The following IFNGR2 variants were observed in gnomAD, a reference collection of about 807,000 sequenced individuals.
IFNGR2 encodes IFN-gamma receptor 2.
In IFNGR2, 15 loss-of-function variants were observed where a neutral mutation model predicts 41.1. The ratio of observed to expected loss-of-function variants is 0.37; its 90% confidence interval spans 0.24 to 0.56. The LOEUF is 0.56. IFNGR2 is among the 20% of genes least tolerant of loss of function. The probability of loss-of-function intolerance (pLI) is 0.81; values close to 1 mark genes in which losing one functional copy is unlikely to be tolerated. For synonymous variants in IFNGR2, 161 were observed against 171.6 expected (o/e 0.94, Z 0.48); for missense variants, 362 against 415.7 (o/e 0.87, Z 1.12).
chr21:33,437,143 A>G lies in IFNGR2; in HGVS notation c.*181A>G. ...GTGACAAGCTTTTTTTTTTTTTCTT[A>G]AAGAATTTTCAAAATCAAATTCCAG... On this transcript the variant is annotated 3_prime_UTR_variant, in exon 7 of 7. Transcript: ENST00000290219. The G allele has an allele frequency of 1.7e-6, 1 of 587,854 alleles. No homozygotes were observed. The highest frequency in any genetic ancestry group is 3.0e-6 in the Non-Finnish European group (1 of 334,064). The allele number at this position is 587,854 out of a possible 1,614,324, so 36.4% of individuals were successfully genotyped here.
At chr21:33,405,238 C>T (rs149846358) in intron 1 of IFNGR2, among the ~76,000 whole-genome samples, 5 of 152,110 alleles carry the variant, frequency 3.3e-5, no homozygotes, top group Non-Finnish European at 4.4e-5. Context: ...ATAGGAGTCT[C>T]GAGAATTTAG....
In IFNGR2 at chr21:33,437,085, C is replaced by A; in HGVS notation, c.*123C>A. 1.1e-6 allele frequency: 1 copy of A among 944,480 alleles called. No individual in the cohort carries two copies. The highest frequency in any genetic ancestry group is 2.5e-5 in the East Asian group (1 of 39,888). The allele number at this position is 944,480 out of a possible 1,614,324, so 58.5% of individuals were successfully genotyped here. ...TTTGCTGCCTCTAAAAGGCCTGTCCCTGCAGACATGAGAGACAGCAGGTCT... is the reference window on the plus strand; with the variant it reads ...TTTGCTGCCTCTAAAAGGCCTGTCCATGCAGACATGAGAGACAGCAGGTCT... On this transcript the variant is annotated 3_prime_UTR_variant, in exon 7 of 7. Transcript: ENST00000290219.
At chr21:33,436,610 T>A (rs1226678795) in intron 6 of IFNGR2, among the ~76,000 whole-genome samples, 2 of 151,754 alleles carry the variant, frequency 1.3e-5, no homozygotes, top group Admixed American at 1.3e-4. Flanking sequence ...TAGTCCCAGC[T>A]ACTTGGAGGA....
At chr21:33,406,382 G>GA (rs55929943) in intron 1 of IFNGR2, among the ~76,000 whole-genome samples, 74 of 148,818 alleles carry the variant, frequency 5.0e-4, no homozygotes, top group African/African-American at 1.6e-3. Flanking sequence ...CTCAAAAAAA[G>GA]AAAAAAAAAG....
chr21:33,409,543 TG>T (rs1470329902), intron 1 of IFNGR2, among the ~76,000 whole-genome samples: 1 of 152,134 alleles, frequency 6.6e-6, no homozygotes, highest in Non-Finnish European at 1.5e-5. Context: ...ATAGAGTTTA[TG>T]GTATTTTAGC....
At chr21:33,432,365 G>C (rs772124115) in intron 5 of IFNGR2, 29 bp downstream of exon 5, 2 of 1,602,208 alleles carry the variant, frequency 1.2e-6, no homozygotes, top group South Asian at 2.2e-5. Flanking sequence ...TGTCCTTTCT[G>C]AACTGGGAAA....
Position 33,420,099 on chromosome 21 carries a change from A to G in IFNGR2, c.207-1381A>G, listed in dbSNP as rs564282415. Among the ~76,000 whole-genome samples, 26 of 152,132 alleles carry G rather than the reference A, an allele frequency of 1.7e-4. No individual in the cohort carries two copies. In the East Asian group the frequency reaches 4.8e-3, roughly 28 times the overall value. ...GTAGGTATCTATGGCGGGTGTCTTC[A>G]TGGAAGCCCTGGCCACGCATCTTGA... On this transcript the variant is annotated intron_variant, in intron 2 of 6. Coordinates refer to ENST00000290219, the MANE Select transcript of IFNGR2 (RefSeq NM_005534.4).
intron 1 of IFNGR2, among the ~76,000 whole-genome samples, 196 bp downstream of exon 1, chr21:33,403,812 G>A (rs1172338907): frequency 6.6e-6 from 1 of 152,140 alleles, no homozygotes; most frequent in African/African-American, 2.4e-5. Flanking sequence ...CCAGGTGGGG[G>A]TCTTGCGGGG....
intron 1 of IFNGR2, chr21:33,410,788 T>C (rs1488057276): frequency 8.0e-7 from 1 of 1,250,220 alleles, no homozygotes; most frequent in Non-Finnish European, 1.1e-6. Flanking sequence ...ACTTTTTACA[T>C]GTTGTATTTT....
chr21:33,424,953 G>A (rs1013105360), intron 3 of IFNGR2, among the ~76,000 whole-genome samples: 1 of 151,968 alleles, frequency 6.6e-6, no homozygotes, highest in African/African-American at 2.4e-5. Flanking sequence ...CTTGTCACCC[G>A]GGCTGGAGTG....
At chr21:33,415,281 C>T (rs540190968) in intron 2 of IFNGR2, among the ~76,000 whole-genome samples, 1 of 152,156 alleles carries the variant, frequency 6.6e-6, no homozygotes, top group Non-Finnish European at 1.5e-5. Flanking sequence ...TTCATTCTTT[C>T]GCTGGTTTCA....
chr21:33,421,401 T>C, intron 2 of IFNGR2, 79 bp from the exon 3 acceptor site: 1 of 1,172,506 alleles, frequency 8.5e-7, no homozygotes, highest in South Asian at 1.2e-5. Context: ...TAAACCTGCG[T>C]TTTGAACAAA....
At position 33,426,875 on chromosome 21, in the gene IFNGR2, C is replaced by A. The variant is rs570794289; in HGVS notation, c.413-9C>A. On this transcript the variant is annotated splice_polypyrimidine_tract_variant and intron_variant, in intron 3 of 6. Transcript: ENST00000290219. ...TGTGTGTGGTTTTCTCTTTGTAATTCTTTTTCAGTGACTGTCGGGCCTCCA... is the reference window on the plus strand; with the variant it reads ...TGTGTGTGGTTTTCTCTTTGTAATTATTTTTCAGTGACTGTCGGGCCTCCA... The A allele has an allele frequency of 8.7e-6, 14 of 1,611,260 alleles. No homozygotes were observed. The highest frequency in any genetic ancestry group is 5.5e-5 in the South Asian group (5 of 91,000).
intron 6 of IFNGR2, among the ~76,000 whole-genome samples, chr21:33,436,245 C>T (rs2083949430): frequency 6.6e-6 from 1 of 151,556 alleles, no homozygotes; most frequent in South Asian, 2.1e-4. Context: ...ATCCCAGCTA[C>T]TTGGGAGGCT....
At chr21:33,436,261 A>G (rs1272367611) in intron 6 of IFNGR2, among the ~76,000 whole-genome samples, 1 of 150,784 alleles carries the variant, frequency 6.6e-6, no homozygotes, top group African/African-American at 2.4e-5. Context: ...AGGCTGAGGC[A>G]GAGGTTGCAG....
At chr21:33,418,430 G>T (rs1396985972) in intron 2 of IFNGR2, among the ~76,000 whole-genome samples, 1 of 152,076 alleles carries the variant, frequency 6.6e-6, no homozygotes, top group South Asian at 2.1e-4. Context: ...GGTGAAATCG[G>T]GGATGATTTC....
chr21:33,411,251 C>T (rs1301294998), intron 1 of IFNGR2, among the ~76,000 whole-genome samples: 4 of 152,226 alleles, frequency 2.6e-5, no homozygotes, highest in Admixed American at 1.3e-4. Context: ...GGCATGGGAA[C>T]CCCGACTTAT....
intron 3 of IFNGR2, among the ~76,000 whole-genome samples, chr21:33,425,312 C>T (rs914382076): frequency 1.3e-5 from 2 of 152,168 alleles, no homozygotes; most frequent in African/African-American, 4.8e-5. Context: ...GTCCAGTGTT[C>T]CCTAGAGCCA....
At chr21:33,403,855 G>T (rs764558365) in intron 1 of IFNGR2, among the ~76,000 whole-genome samples, 13 of 152,134 alleles carry the variant, frequency 8.5e-5, no homozygotes, top group Non-Finnish European at 1.6e-4. Flanking sequence ...CTGGGAGCCC[G>T]CAGCGGGGCT....
Sources: allele counts gnomAD v4.1 joint callset (sites outside exome capture counted in the v4.1 genomes callset), GRCh38; gene constraint gnomAD v4.1.1; transcripts MANE v1.5; gene names NCBI Gene and HGNC (gene_info 2026-07-23, HGNC 2026-07-21).